The following RNF216 variants were observed in gnomAD, a reference collection of about 807,000 sequenced individuals.
The protein encoded by RNF216 is ring finger protein 216, also known as E3 ubiquitin-protein ligase RNF216.
A neutral mutation model predicts 110.8 loss-of-function variants in RNF216; 72 were observed. The ratio of observed to expected loss-of-function variants is 0.65; its 90% CI spans 0.54 to 0.79. The LOEUF is 0.79. Among genes scored for constraint, RNF216 ranks in the 30% least tolerant of loss-of-function variants. The probability of loss-of-function intolerance (pLI) is 0.00; values close to 1 mark genes in which losing one functional copy is unlikely to be tolerated. For synonymous variants in RNF216, 495 were observed against 407.5 expected, an observed-to-expected ratio of 1.21 and a Z score of -2.59; for missense variants, 1,342 against 1,141.2, an observed-to-expected ratio of 1.18 and a Z score of -2.54.
At chr7:5,623,936 A>T in intron 16 of RNF216, 120 bp downstream of exon 16, 3 of 801,690 alleles carry the variant, frequency 3.7e-6, no homozygotes, top group Non-Finnish European at 6.0e-6. Context: ...TAGCCACCTG[A>T]GGGACAGCAC....
At position 5,725,035 on chromosome 7, in the gene RNF216, C is replaced by T. The variant is rs544953812; in HGVS notation, c.1504+289G>A. Among the ~76,000 whole-genome samples the T allele has an allele frequency of 3.2e-3, 493 of 152,214 alleles. 3 individuals are homozygous for T. Among genetic ancestry groups the T allele is most frequent in the African/African-American group, 0.011 (458 of 41,516 alleles). On this transcript the variant is annotated intron_variant, in intron 8 of 16. Coordinates refer to ENST00000389902, the MANE Select transcript of RNF216 (RefSeq NM_207111.4). The stretch of plus-strand genomic sequence containing the variant: ...CATCAAACCTTTGAGACCAGTTTTT[C>T]CCCCCAAGCTTAACAGCACACTCAA...
At chr7:5,708,725 C>G (rs749318380) in intron 13 of RNF216, among the ~76,000 whole-genome samples, 3 of 152,182 alleles carry the variant, frequency 2.0e-5, no homozygotes, top group Non-Finnish European at 4.4e-5. Context: ...CCCTCTGGAG[C>G]TGCTGTAAGC....
At position 5,642,043 on chromosome 7, in the gene RNF216, AAAG is replaced by A. The variant is rs1259681193; in HGVS notation, c.2160-670_2160-668del. Among the ~76,000 whole-genome samples the A allele has an allele frequency of 4.9e-4, 71 of 145,400 alleles. 1 individual carries two copies. The highest frequency in any genetic ancestry group is 1.4e-3 in the Admixed American group (20 of 14,778). ...GTGAGACTCTATCTTAAAAAAAAAA[AAAG>A]AAAAAAAAAAAGAAAGAAAGAAAAC... On this transcript the variant is annotated intron_variant, in intron 14 of 16. Coordinates refer to ENST00000389902, the MANE Select transcript of RNF216 (RefSeq NM_207111.4).
chr7:5,704,367 G>C (rs892855719), intron 13 of RNF216, among the ~76,000 whole-genome samples: 2 of 152,210 alleles, frequency 1.3e-5, no homozygotes, highest in African/African-American at 4.8e-5. Flanking sequence ...AAATTAGCTT[G>C]TGGCTCATGT....
At chr7:5,711,385 A>C (rs181173016) in intron 13 of RNF216, among the ~76,000 whole-genome samples, 19 of 152,292 alleles carry the variant, frequency 1.2e-4, no homozygotes, top group African/African-American at 4.6e-4. Flanking sequence ...AAATGGCAAA[A>C]GGTGTGTGTG....
intron 15 of RNF216, among the ~76,000 whole-genome samples, chr7:5,639,175 G>A (rs1264342390): frequency 6.6e-6 from 1 of 152,170 alleles, no homozygotes; most frequent in African/African-American, 2.4e-5. Context: ...CATTCCTTAA[G>A]AGATAGGGAA....
intron 15 of RNF216, among the ~76,000 whole-genome samples, chr7:5,627,052 G>A (rs1230676138): frequency 2.0e-5 from 3 of 152,118 alleles, no homozygotes; most frequent in Admixed American, 1.3e-4. Flanking sequence ...GCATCTCCTC[G>A]ATGCAGTTAC....
intron 2 of RNF216, among the ~76,000 whole-genome samples, chr7:5,758,512 G>A (rs536785701): frequency 4.0e-4 from 61 of 152,248 alleles, no homozygotes; most frequent in Non-Finnish European, 1.3e-4. Flanking sequence ...TTCCACTTGT[G>A]TCACTCCTGA....
intron 1 of RNF216, chr7:5,774,949 A>G (rs897490321): frequency 6.6e-6 from 1 of 152,254 alleles, no homozygotes; most frequent in East Asian, 1.9e-4. Context: ...AGGTTTCGCC[A>G]TCTTAGGTTG....
intron 4 of RNF216, among the ~76,000 whole-genome samples, chr7:5,740,487 C>T (rs1794693287): frequency 6.6e-6 from 1 of 152,094 alleles, no homozygotes; most frequent in African/African-American, 2.4e-5. Flanking sequence ...ACACTGTCCT[C>T]CATGCTTGAT....
chr7:5,723,391 G>A (rs956743532), intron 8 of RNF216, among the ~76,000 whole-genome samples: 1 of 152,140 alleles, frequency 6.6e-6, no homozygotes, highest in Non-Finnish European at 1.5e-5. Context: ...GCTCAAGCCT[G>A]TAATCTCGCA....
chr7:5,736,289 C>A (rs1168747312), intron 5 of RNF216, among the ~76,000 whole-genome samples: 2 of 152,142 alleles, frequency 1.3e-5, no homozygotes, highest in Non-Finnish European at 2.9e-5. Context: ...GACTGGTTTT[C>A]GTATTTTTTT....
At chr7:5,627,183 G>A (rs1786761672) in intron 15 of RNF216, among the ~76,000 whole-genome samples, 1 of 152,184 alleles carries the variant, frequency 6.6e-6, no homozygotes, top group Non-Finnish European at 1.5e-5. Context: ...CTTGTTCAAT[G>A]TTACGGCTAG....
intron 13 of RNF216, among the ~76,000 whole-genome samples, chr7:5,653,958 G>A (rs1350811081): frequency 6.6e-6 from 1 of 152,256 alleles, no homozygotes; most frequent in Non-Finnish European, 1.5e-5. Context: ...GCAAGGCCTT[G>A]AAGGGCATGA....
chr7:5,647,615 T>C (rs1788134209), intron 14 of RNF216, among the ~76,000 whole-genome samples: 1 of 152,100 alleles, frequency 6.6e-6, no homozygotes, highest in Non-Finnish European at 1.5e-5. Flanking sequence ...ATTACCGGTG[T>C]GGCAGCCATT....
chr7:5,708,983 GCC>G (rs2128626881), intron 13 of RNF216, among the ~76,000 whole-genome samples: 1 of 152,268 alleles, frequency 6.6e-6, no homozygotes, highest in East Asian at 1.9e-4. Context: ...GTTCTCAGCA[GCC>G]CCCAGGGACC....
intron 13 of RNF216, among the ~76,000 whole-genome samples, chr7:5,664,092 G>A (rs539544908): frequency 1.3e-5 from 2 of 152,082 alleles, no homozygotes; most frequent in Admixed American, 6.6e-5. Context: ...GCGGCACAAG[G>A]TGCTGAATGT....
intron 13 of RNF216, among the ~76,000 whole-genome samples, chr7:5,659,701 G>T (rs914834624): frequency 6.6e-6 from 1 of 152,194 alleles, no homozygotes; most frequent in Non-Finnish European, 1.5e-5. Context: ...TAGGGGAACA[G>T]GCTCGGAGTG....
At chr7:5,746,148 G>A (rs137981401) in intron 3 of RNF216, among the ~76,000 whole-genome samples, 20 of 151,478 alleles carry the variant, frequency 1.3e-4, no homozygotes, top group African/African-American at 3.6e-4. Context: ...TGCAAGTGTC[G>A]GAAGTCCTTC....
Sources: allele counts gnomAD v4.1 joint callset (sites outside exome capture counted in the v4.1 genomes callset), GRCh38; gene constraint gnomAD v4.1.1; transcripts MANE v1.5; gene names NCBI Gene and HGNC (gene_info 2026-07-23, HGNC 2026-07-21).